Variants in MAGOHB observed in about 807,000 individuals in gnomAD.
MAGOHB encodes protein mago nashi homolog 2.
Under a neutral mutation model 20.9 loss-of-function variants are expected in MAGOHB, and 15 were observed. That is an observed-to-expected ratio of 0.72 (90% CI 0.48 to 1.11). The LOEUF is 1.11. Ranked by LOEUF, MAGOHB falls within the 50% of genes least tolerant of loss-of-function variation. The pLI is 0.00. For missense variants in MAGOHB, 162 were observed against 177.6 expected, an observed-to-expected ratio of 0.91 and a Z score of 0.50; for synonymous variants, 50 against 57.9, an observed-to-expected ratio of 0.86 and a Z score of 0.62.
downstream of MAGOHB, among the ~76,000 whole-genome samples, chr12:10,602,080 C>T (rs969884948): frequency 4.6e-5 from 7 of 152,306 alleles, no homozygotes; most frequent in African/African-American, 1.4e-4. Flanking sequence ...TATGTTGAGG[C>T]ATGTTTCTGT....
downstream of MAGOHB, among the ~76,000 whole-genome samples, chr12:10,602,681 A>G (rs569308038): frequency 1.2e-4 from 19 of 152,352 alleles, no homozygotes; most frequent in African/African-American, 4.3e-4. Flanking sequence ...ATATGAATAT[A>G]TGAAGTATTA....
At chr12:10,607,352 A>G (rs1018436127) in intron 4 of MAGOHB, among the ~76,000 whole-genome samples, 4 of 152,206 alleles carry the variant, frequency 2.6e-5, no homozygotes, top group Non-Finnish European at 5.9e-5. Flanking sequence ...ACAAATAAAA[A>G]TAAGTGGCTA....
In MAGOHB at chr12:10,606,382, T is replaced by C; in HGVS notation, c.348-8A>G. On this transcript the variant is annotated splice_region_variant and splice_polypyrimidine_tract_variant and intron_variant, in intron 4 of 4. Transcript: ENST00000320756. ...CGAAGGCCTTCAGGATCCCTAAAATTTAAAAAGGTAAAAGTTACTTTTTCT... is the reference window on the plus strand; with the variant it reads ...CGAAGGCCTTCAGGATCCCTAAAATCTAAAAAGGTAAAAGTTACTTTTTCT... 6.7e-7 allele frequency: 1 copy of C among 1,495,270 alleles called. No homozygotes were observed. Among genetic ancestry groups the C allele is most frequent in the African/African-American group, 1.4e-5 (1 of 70,806 alleles). The allele number at this position is 1,495,270 out of a possible 1,614,324, so 92.6% of individuals were successfully genotyped here. A position where few individuals can be genotyped will look rare whatever the true frequency, so the allele number is the denominator to read the frequency against.
chr12:10,607,583 T>G (rs1449879860), intron 4 of MAGOHB, among the ~76,000 whole-genome samples: 2 of 152,208 alleles, frequency 1.3e-5, no homozygotes, highest in African/African-American at 4.8e-5. Context: ...TGATACTGTA[T>G]CCACATTTTT....
intron 3 of MAGOHB, chr12:10,608,524 G>A (rs1195634849): frequency 6.7e-6 from 1 of 149,142 alleles, no homozygotes; most frequent in Non-Finnish European, 1.5e-5. Flanking sequence ...TAATAATGAT[G>A]GTACTTATAT....
Position 10,606,069 on chromosome 12 carries a change from C to T in MAGOHB, c.*206G>A, listed in dbSNP as rs1865624194. The T allele has an allele frequency of 1.5e-5, 5 of 332,614 alleles. No individual in the cohort carries two copies. Among genetic ancestry groups the T allele is most frequent in the Middle Eastern group, 8.3e-4 (1 of 1,200 alleles). 20.6% of individuals were successfully genotyped at this position (332,614 alleles called of 1,614,324 possible). ...TTTAACAAAAGGTGGCTTTCATTTA[C>T]AGAATTTAATGTGTGTGGGGACTGT... On this transcript the variant is annotated 3_prime_UTR_variant, in exon 5 of 5. Coordinates refer to ENST00000320756, the MANE Select transcript of MAGOHB (RefSeq NM_018048.5).
intron 1 of MAGOHB, chr12:10,612,696 A>C (rs1317960365): frequency 6.1e-6 from 7 of 1,153,560 alleles, no homozygotes; most frequent in African/African-American, 1.6e-5. Context: ...AAAAAAACCC[A>C]AAAAATATAT....
intron 3 of MAGOHB, 159 bp downstream of exon 3, chr12:10,609,672 A>T: frequency 1.7e-6 from 1 of 595,366 alleles, no homozygotes; most frequent in Non-Finnish European, 2.9e-6. Flanking sequence ...TAGCACAGAA[A>T]AACAGAACTA....
At chr12:10,601,129 AAAGG>A (rs2120484411), downstream of MAGOHB, among the ~76,000 whole-genome samples, 1 of 152,284 alleles carries the variant, frequency 6.6e-6, no homozygotes, top group South Asian at 2.1e-4. Context: ...AATAATAAAT[AAAGG>A]AAGTTAGTTC....
chr12:10,602,601 A>G (rs1865563696), downstream of MAGOHB, among the ~76,000 whole-genome samples: 1 of 152,256 alleles, frequency 6.6e-6, no homozygotes, highest in Non-Finnish European at 1.5e-5. Flanking sequence ...AGAAATATAC[A>G]GAGTTTTGAA....
chr12:10,613,041 T>A (rs543646437), intron 1 of MAGOHB: 1 of 930,846 alleles, frequency 1.1e-6, no homozygotes, highest in Admixed American at 2.6e-5. Context: ...GTTAACACGT[T>A]GGGCTCCTCC....
chr12:10,610,771 ATAC>A (rs1318468707), intron 1 of MAGOHB, 91 bp from the exon 2 acceptor site: 7 of 1,150,774 alleles, frequency 6.1e-6, no homozygotes, highest in African/African-American at 4.7e-5. Context: ...AGACCATTTT[ATAC>A]TACTATTTTT....
Position 10,606,223 on chromosome 12 carries a change from T to TAACC in MAGOHB, c.*48_*51dup, listed in dbSNP as rs1203964285. On this transcript the variant is annotated 3_prime_UTR_variant, in exon 5 of 5. Transcript: ENST00000320756. Reference sequence around the variant, plus strand: ...AAACCCCAATACTGTAAATGACAAATAACCCCTCCCATCCCTTAATTAAAT... The same window carrying TAACC: ...AAACCCCAATACTGTAAATGACAAATAACCAACCCCTCCCATCCCTTAATTAAAT... The TAACC allele has an allele frequency of 1.0e-6, 1 of 983,048 alleles. No homozygotes were observed. Among genetic ancestry groups the TAACC allele is most frequent in the Non-Finnish European group, 1.5e-6 (1 of 666,286 alleles). 60.9% of individuals were successfully genotyped at this position (983,048 alleles called of 1,614,324 possible).
intron 1 of MAGOHB, among the ~76,000 whole-genome samples, chr12:10,611,747 C>CAAAAAAAAAAAA (rs1042294332): frequency 1.4e-4 from 4 of 27,696 alleles, no homozygotes; most frequent in African/African-American, 4.3e-4. Context: ...GACTCTGTCT[C>CAAAAAAAAAAAA]AAAAAAAAAA....
chr12:10,613,338 C>T (rs924887046), intron 1 of MAGOHB, 101 bp downstream of exon 1: 10 of 995,760 alleles, frequency 1.0e-5, no homozygotes, highest in Non-Finnish European at 1.4e-5. Flanking sequence ...CTATTTCCTT[C>T]GAGGGAAGCA....
chr12:10,609,662 T>C lies in MAGOHB; in HGVS notation c.264+169A>G, dbSNP rs1019170321. 1.4e-5 allele frequency: 8 copies of C among 587,604 alleles called. No homozygotes were observed. In the Admixed American group the frequency reaches 2.2e-4, roughly 16 times the overall value. The allele number at this position is 587,604 out of a possible 1,614,324, so 36.4% of individuals were successfully genotyped here. ...CACTGACTCCTTCACTACTAGGAGG[T>C]AGCACAGAAAAACAGAACTAAGAGA... On this transcript the variant is annotated intron_variant, in intron 3 of 4. Coordinates refer to ENST00000320756, the MANE Select transcript of MAGOHB (RefSeq NM_018048.5).
rs1865770625 is a variant in MAGOHB at position 10,612,758 on chromosome 12, T to C, written c.94+681A>G. 3.3e-6 allele frequency: 4 copies of C among 1,220,136 alleles called. 1 individual carries two copies. In the African/African-American group the frequency reaches 6.3e-5, roughly 19 times the overall value. 75.6% of individuals were successfully genotyped at this position (1,220,136 alleles called of 1,614,324 possible). Reference sequence around the variant, plus strand: ...TAGGCAAGATCAATGTAACATTCTCTAAGGATAGCGCTGTCAGAAAACACA... The same window carrying C: ...TAGGCAAGATCAATGTAACATTCTCCAAGGATAGCGCTGTCAGAAAACACA... On this transcript the variant is annotated intron_variant, in intron 1 of 4. Coordinates refer to ENST00000320756, the MANE Select transcript of MAGOHB (RefSeq NM_018048.5).
intron 1 of MAGOHB, chr12:10,612,821 C>T: frequency 1.6e-6 from 2 of 1,288,696 alleles, no homozygotes. Flanking sequence ...TCACCTCATC[C>T]TCTGCTCATA....
At chr12:10,609,490 G>C (rs1865685017) in intron 3 of MAGOHB, 2 of 373,444 alleles carry the variant, frequency 5.4e-6, no homozygotes, top group Non-Finnish European at 1.0e-5. Context: ...TAGAAGTTAT[G>C]ATTTGGCAAA....
Sources: allele counts gnomAD v4.1 joint callset (sites outside exome capture counted in the v4.1 genomes callset), GRCh38; gene constraint gnomAD v4.1.1; transcripts MANE v1.5; gene names NCBI Gene and HGNC (gene_info 2026-07-23, HGNC 2026-07-21).